The following PIEZO2 variants were observed in gnomAD, a reference collection of about 807,000 sequenced individuals.
The protein encoded by PIEZO2 is piezo type mechanosensitive ion channel component 2.
Under a neutral mutation model 337.3 loss-of-function variants are expected in PIEZO2, and 172 were observed. The ratio of observed to expected loss-of-function variants is 0.51; its 90% CI spans 0.45 to 0.58. PIEZO2 has a LOEUF of 0.58. PIEZO2 is among the 20% of genes least tolerant of loss of function. PIEZO2 has a pLI of 0.00. For synonymous variants in PIEZO2, 1,251 were observed against 1,228.5 expected (o/e 1.02, Z -0.38); for missense variants, 3,028 against 3,391.3 (o/e 0.89, Z 2.66).
chr18:11,005,060 A>G (rs1324511227), intron 2 of PIEZO2, among the ~76,000 whole-genome samples: 1 of 152,262 alleles, frequency 6.6e-6, no homozygotes, highest in Non-Finnish European at 1.5e-5. Context: ...TGGCAAGAAC[A>G]TTCCACTTCA....
chr18:10,712,733 T>C (rs1375195608), intron 39 of PIEZO2, among the ~76,000 whole-genome samples: 1 of 152,210 alleles, frequency 6.6e-6, no homozygotes, highest in Non-Finnish European at 1.5e-5. Flanking sequence ...AATTGAGAAA[T>C]GTGCATATTC....
intron 1 of PIEZO2, among the ~76,000 whole-genome samples, chr18:11,145,350 T>C (rs1250046077): frequency 8.3e-6 from 1 of 120,442 alleles, no homozygotes; most frequent in Admixed American, 7.9e-5. Flanking sequence ...ATTTATCTTA[T>C]ACGGAAAAAG....
intron 3 of PIEZO2, among the ~76,000 whole-genome samples, chr18:10,955,192 G>A (rs116163024): frequency 0.015 from 2,320 of 152,268 alleles, 45 homozygotes; most frequent in African/African-American, 0.042. Flanking sequence ...TAAACAGAAA[G>A]AGTTTCTAAA....
chr18:10,694,599 G>A (rs2035001367), intron 47 of PIEZO2, among the ~76,000 whole-genome samples: 1 of 152,174 alleles, frequency 6.6e-6, no homozygotes, highest in Admixed American at 6.5e-5. Context: ...GGGAGGCCCA[G>A]GCAGGAGGAC....
intron 2 of PIEZO2, among the ~76,000 whole-genome samples, chr18:11,052,583 G>T (rs1019111471): frequency 2.0e-4 from 31 of 152,232 alleles, no homozygotes; most frequent in Admixed American, 1.5e-3. Flanking sequence ...GAGTAAGGAG[G>T]TGGCTTTCTA....
At chr18:10,917,464 A>G (rs2031070213) in intron 3 of PIEZO2, among the ~76,000 whole-genome samples, 1 of 152,182 alleles carries the variant, frequency 6.6e-6, no homozygotes, top group Non-Finnish European at 1.5e-5. Context: ...TCACTTGGTC[A>G]TCATGTTTCT....
intron 4 of PIEZO2, among the ~76,000 whole-genome samples, chr18:10,896,403 T>C (rs939881788): frequency 1.3e-5 from 2 of 152,200 alleles, no homozygotes; most frequent in African/African-American, 4.8e-5. Context: ...AGTGTTCTAA[T>C]ACAAAAACAC....
At chr18:10,868,052 G>T (rs1415912982) in intron 5 of PIEZO2, among the ~76,000 whole-genome samples, 2 of 152,150 alleles carry the variant, frequency 1.3e-5, no homozygotes, top group Admixed American at 6.5e-5. Flanking sequence ...GGGAATCCTT[G>T]GATTTGTGAA....
At chr18:10,931,153 TC>T (rs533837605) in intron 3 of PIEZO2, among the ~76,000 whole-genome samples, 2 of 152,230 alleles carry the variant, frequency 1.3e-5, no homozygotes, top group African/African-American at 4.8e-5. Context: ...TTATCTGTCA[TC>T]CAGCTATCTA....
rs763811321 is a variant in PIEZO2, at chr18:10,696,381, C to A, written c.6975+11G>T. 47 of 1,614,010 alleles carry A rather than the reference C, an allele frequency of 2.9e-5. No individual in the cohort carries two copies. The South Asian group carries it at 4.8e-4, about 17-fold the overall frequency. On this transcript the variant is annotated intron_variant, in intron 46 of 55. Coordinates refer to ENST00000674853, the MANE Select transcript of PIEZO2 (RefSeq NM_001378183.1). ...GTCAGGGCGGGTGCTGTGGCCTTTG[C>A]CCCAACCTACCCCAAAGGCCCAAAA...
chr18:10,689,678 T>G lies in PIEZO2; in HGVS notation c.7474A>C (p.Lys2492Gln). Reference sequence around the variant, plus strand: ...ACCTTCTCCGACTCCCGCCAACACTTCAGGATGAATATGTGAGCATAGATG... The same window carrying G: ...ACCTTCTCCGACTCCCGCCAACACTGCAGGATGAATATGTGAGCATAGATG... The part of the protein sequence containing the change: ...EDIYAHIFIL[K>Q]CWRESEKRYP... The change falls in exon 49 of 56, where the codon AAG becomes CAG. Residue 2492 changes from lysine to glutamine, a missense_variant. Around this residue, in one of 5 missense-constraint regions of PIEZO2, gnomAD observed 179 missense variants for 281.8 expected, o/e 0.64. Transcript: ENST00000674853. 6.2e-7 allele frequency: 1 copy of G among 1,614,182 alleles called. No individual in the cohort carries two copies. Among genetic ancestry groups the G allele is most frequent in the East Asian group, 2.2e-5 (1 of 44,888 alleles).
intron 34 of PIEZO2, among the ~76,000 whole-genome samples, chr18:10,735,549 T>C (rs983216665): frequency 1.8e-4 from 28 of 152,182 alleles, no homozygotes; most frequent in African/African-American, 6.5e-4. Flanking sequence ...AAGATGTTCA[T>C]GTTCTCTCCT....
chr18:11,118,582 C>T (rs2039950637), intron 1 of PIEZO2, among the ~76,000 whole-genome samples: 1 of 152,104 alleles, frequency 6.6e-6, no homozygotes, highest in African/African-American at 2.4e-5. Context: ...AGAAAACATA[C>T]CATCAAGAAG....
chr18:10,759,486 G>A lies in PIEZO2; in HGVS notation c.3753C>T (p.Leu1251=), dbSNP rs1188977681. Residue 1251 remains leucine (L), a synonymous_variant, in exon 26 of 56, where the codon CTC becomes CTT. Coordinates refer to ENST00000674853, the MANE Select transcript of PIEZO2 (RefSeq NM_001378183.1). This position sits in a 1 kb window ranked among gnomAD's most constrained non-coding sequence, Gnocchi z 5.5. The part of the protein sequence containing the change: ...DFIVRPNPVF[L]VYDFMLLLCA... ...CCCTGCAGTGGAAACACTTACAGAC[G>A]AGAAACACAGGGTTGGGCCGCACAA... 3.3e-6 allele frequency: 5 copies of A among 1,536,384 alleles called. No homozygotes were observed. The highest frequency in any genetic ancestry group is 2.4e-5 in the East Asian group (1 of 40,914).
Position 11,031,073 on chromosome 18 carries a change from G to A in PIEZO2, c.160+35054C>T, listed in dbSNP as rs1004428326. Among the ~76,000 whole-genome samples, 19 of 151,900 alleles carry A rather than the reference G, an allele frequency of 1.3e-4. No homozygotes were observed. Among genetic ancestry groups the A allele is most frequent in the Admixed American group, 2.6e-4 (4 of 15,262 alleles). On this transcript the variant is annotated intron_variant, in intron 2 of 55. Coordinates refer to ENST00000674853, the MANE Select transcript of PIEZO2 (RefSeq NM_001378183.1). This position sits in a 1 kb window ranked among gnomAD's most constrained non-coding sequence, Gnocchi z 4.7. Reference sequence around the variant, plus strand: ...GGCGTGATCTTGGCTCATTGCAAACGCCGCCTCCCGGGTTCACACCATTCT... The same window carrying A: ...GGCGTGATCTTGGCTCATTGCAAACACCGCCTCCCGGGTTCACACCATTCT...
chr18:10,714,985 C>CA, intron 38 of PIEZO2, 55 bp from the exon 39 acceptor site: 2 of 1,501,172 alleles, frequency 1.3e-6, no homozygotes, highest in Non-Finnish European at 1.8e-6. Flanking sequence ...CCTGTATAGC[C>CA]ACCTGGCATT....
At chr18:10,690,411 G>A (rs1268209885) in intron 48 of PIEZO2, among the ~76,000 whole-genome samples, 1 of 152,154 alleles carries the variant, frequency 6.6e-6, no homozygotes, top group Admixed American at 6.5e-5. Flanking sequence ...TCCCAGCCTG[G>A]AGAATCTGGG....
intron 2 of PIEZO2, among the ~76,000 whole-genome samples, chr18:11,058,018 G>A (rs1343384037): frequency 6.6e-6 from 1 of 152,182 alleles, no homozygotes. Flanking sequence ...ACAGTGGATA[G>A]CCCTGGTCTA....
rs2040704869 is a variant in PIEZO2 at position 11,143,115 on chromosome 18, T to C, written c.64+5410A>G. On this transcript the variant is annotated intron_variant, in intron 1 of 55. Coordinates refer to ENST00000674853, the MANE Select transcript of PIEZO2 (RefSeq NM_001378183.1). The surrounding 1 kb of genome is among the most constrained non-coding windows in gnomAD (Gnocchi z 4.9). ...AAAAGAAAAAGAAAAAGTTTTCCAA[T>C]ATTTTTGTTTTTAGCCTCAGTTCAA... Among the ~76,000 whole-genome samples, 1 of 152,162 alleles carries C rather than the reference T, an allele frequency of 6.6e-6. No homozygotes were observed. Among genetic ancestry groups the C allele is most frequent in the South Asian group, 2.1e-4 (1 of 4,822 alleles).
Sources: allele counts gnomAD v4.1 joint callset (sites outside exome capture counted in the v4.1 genomes callset), GRCh38; gene constraint gnomAD v4.1.1; regional missense constraint gnomAD v4.1.1; non-coding constraint Gnocchi (gnomAD v3.1); transcripts MANE v1.5; gene names NCBI Gene and HGNC (gene_info 2026-07-23, HGNC 2026-07-21).